SNTG2: variants seen among roughly 807,000 people sequenced by gnomAD.
SNTG2 encodes gamma-2-syntrophin.
Under a neutral mutation model 70.9 loss-of-function variants are expected in SNTG2, and 74 were observed. The observed-to-expected ratio is 1.04, with a 90% confidence interval of 0.86 to 1.27. The LOEUF (loss-of-function observed/expected upper bound fraction) is 1.27, where lower values mean the gene tolerates loss of function less well. SNTG2 is among the 50% of genes most tolerant of loss of function. SNTG2 has a pLI of 0.00. For missense variants in SNTG2, 717 were observed against 690.7 expected (o/e 1.04, Z -0.43); for synonymous variants, 278 against 273.8 (o/e 1.02, Z -0.15).
chr2:1,100,037 A>G (rs73172915), intron 4 of SNTG2, among the ~76,000 whole-genome samples: 1,890 of 152,358 alleles, frequency 0.012, 35 homozygotes, highest in African/African-American at 0.042. Flanking sequence ...GGTGCTGTTC[A>G]GAAGGAAACC....
At chr2:1,021,176 AT>A (rs1229231806) in intron 1 of SNTG2, among the ~76,000 whole-genome samples, 1 of 152,024 alleles carries the variant, frequency 6.6e-6, no homozygotes, top group African/African-American at 2.4e-5. Context: ...TTTCTCTGTA[AT>A]TTTTTGAGTA....
In SNTG2 at chr2:1,155,618, C is replaced by T. The variant is rs150518266; in HGVS notation, c.412-9930C>T. 5.7e-3 allele frequency among the ~76,000 whole-genome samples: 869 copies of T among 152,300 alleles called. 6 individuals are homozygous for T. The highest frequency in any genetic ancestry group is 1.0e-2 in the Non-Finnish European group (678 of 68,024). ...CAACAATCTGGACGTCAGCCCTGGC[C>T]GTGGTGGTGGGTGCCAGTGAGAGAG... is the stretch of plus-strand genomic sequence containing the variant. On this transcript the variant is annotated intron_variant, in intron 6 of 16. Transcript: ENST00000308624.
chr2:1,161,859 G>A (rs922512517), intron 6 of SNTG2, among the ~76,000 whole-genome samples: 2 of 152,090 alleles, frequency 1.3e-5, no homozygotes, highest in Admixed American at 6.5e-5. Context: ...CGGATCACGA[G>A]GTCAGGAGAT....
At chr2:1,168,157 G>A (rs949280303) in intron 7 of SNTG2, among the ~76,000 whole-genome samples, 2 of 140,624 alleles carry the variant, frequency 1.4e-5, no homozygotes, top group African/African-American at 2.9e-5. Context: ...CCTACAAGCC[G>A]CCCACAGATG....
chr2:1,127,377 T>C (rs1214966789), intron 4 of SNTG2, among the ~76,000 whole-genome samples: 1 of 152,154 alleles, frequency 6.6e-6, no homozygotes, highest in Non-Finnish European at 1.5e-5. Context: ...TAATATAATC[T>C]TAGGAAGTGT....
chr2:1,136,781 G>C (rs924551883), intron 4 of SNTG2, among the ~76,000 whole-genome samples: 7 of 152,194 alleles, frequency 4.6e-5, no homozygotes, highest in Non-Finnish European at 8.8e-5. Context: ...CTGCCTCTCT[G>C]ACAATGGAAA....
chr2:1,034,737 C>T (rs1661038892), intron 1 of SNTG2, among the ~76,000 whole-genome samples: 1 of 152,038 alleles, frequency 6.6e-6, no homozygotes, highest in South Asian at 2.1e-4. Flanking sequence ...TCATTAGATA[C>T]CTACAAAGAG....
intron 2 of SNTG2, among the ~76,000 whole-genome samples, chr2:1,093,453 A>T (rs1367631574): frequency 6.6e-6 from 1 of 152,182 alleles, no homozygotes; most frequent in Non-Finnish European, 1.5e-5. Context: ...TCCAGTTAGA[A>T]GCTGCAGAAG....
chr2:968,036 A>C (rs906445581), intron 1 of SNTG2, among the ~76,000 whole-genome samples: 1 of 152,286 alleles, frequency 6.6e-6, no homozygotes, highest in South Asian at 2.1e-4. Context: ...AAATTAAAAA[A>C]AAAAAAGTGT....
At chr2:1,010,742 G>C (rs1217375189) in intron 1 of SNTG2, among the ~76,000 whole-genome samples, 1 of 152,180 alleles carries the variant, frequency 6.6e-6, no homozygotes, top group East Asian at 1.9e-4. Flanking sequence ...CTTTGTCTCT[G>C]CTGCTCCCGG....
chr2:1,003,580 T>C (rs1318305691), intron 1 of SNTG2, among the ~76,000 whole-genome samples: 1 of 152,224 alleles, frequency 6.6e-6, no homozygotes, highest in Non-Finnish European at 1.5e-5. Context: ...TGTACACATT[T>C]GGACAGGCTT....
chr2:974,346 C>A (rs1236473186), intron 1 of SNTG2, among the ~76,000 whole-genome samples: 2 of 152,198 alleles, frequency 1.3e-5, no homozygotes, highest in Non-Finnish European at 2.9e-5. Flanking sequence ...AGGACAGGGC[C>A]TCCCCACGAG....
At chr2:1,300,757 G>A (rs939850703) in intron 14 of SNTG2, among the ~76,000 whole-genome samples, 21 of 152,116 alleles carry the variant, frequency 1.4e-4, no homozygotes, top group African/African-American at 4.3e-4. Context: ...TGTTTAGAGC[G>A]TGAATTTTTA....
At chr2:1,167,959 G>T (rs1410464957) in intron 7 of SNTG2, among the ~76,000 whole-genome samples, 1 of 125,712 alleles carries the variant, frequency 8.0e-6, no homozygotes, top group Non-Finnish European at 1.7e-5. Flanking sequence ...CCTACAAGCC[G>T]CCCACAGACG....
chr2:1,365,934 C>A (rs1558235818), intron 16 of SNTG2, among the ~76,000 whole-genome samples: 1 of 152,124 alleles, frequency 6.6e-6, no homozygotes, highest in Non-Finnish European at 1.5e-5. Flanking sequence ...GATGTGTGAC[C>A]TCCAATCCTG....
chr2:1,130,047 A>G (rs557102405), intron 4 of SNTG2, among the ~76,000 whole-genome samples: 3 of 152,340 alleles, frequency 2.0e-5, no homozygotes, highest in Admixed American at 2.0e-4. Flanking sequence ...GAACTCATTC[A>G]TCTTACATTC....
chr2:1,268,791 G>C (rs911919154), intron 14 of SNTG2, among the ~76,000 whole-genome samples: 1 of 152,236 alleles, frequency 6.6e-6, no homozygotes, highest in Non-Finnish European at 1.5e-5. Flanking sequence ...GTGAAAGAGC[G>C]TTTCTGGGAC....
At chr2:1,172,130 G>T (rs1433925380) in intron 7 of SNTG2, among the ~76,000 whole-genome samples, 1 of 152,194 alleles carries the variant, frequency 6.6e-6, no homozygotes, top group East Asian at 1.9e-4. Context: ...ACAGCACCAT[G>T]TGGTTGTGAT....
intron 14 of SNTG2, among the ~76,000 whole-genome samples, chr2:1,290,414 C>T (rs188121738): frequency 1.6e-3 from 243 of 151,794 alleles, no homozygotes; most frequent in African/African-American, 5.7e-3. Flanking sequence ...TCCCAGGTTC[C>T]AGCAATTCTT....
Sources: gnomAD v4.1 joint callset for allele counts (sites outside exome capture counted in the v4.1 genomes callset) on GRCh38, gnomAD v4.1.1 for gene constraint, MANE v1.5 for transcripts, NCBI Gene and HGNC (gene_info 2026-07-23, HGNC 2026-07-21) for gene names.